Variants in PTPN21 observed in about 807,000 individuals in gnomAD.
PTPN21 encodes protein tyrosine phosphatase non-receptor type 21, also known as tyrosine-protein phosphatase non-receptor type 21.
A neutral mutation model predicts 131.8 loss-of-function variants in PTPN21; 77 were observed. The observed-to-expected ratio is 0.58, with a 90% CI of 0.49 to 0.71. The LOEUF is 0.71. Ranked by LOEUF, PTPN21 falls within the 30% of genes least tolerant of loss-of-function variation. The pLI is 0.00. For synonymous variants in PTPN21, 715 were observed against 621.3 expected (o/e 1.15, Z -2.24); for missense variants, 1,552 against 1,527.1 (o/e 1.02, Z -0.27).
chr14:88,479,385 T>G lies in PTPN21; in HGVS notation c.2046A>C (p.Thr682=), dbSNP rs1290425098. 6.2e-7 allele frequency: 1 copy of G among 1,607,478 alleles called. No homozygotes were observed. Among genetic ancestry groups the G allele is most frequent in the Non-Finnish European group, 8.5e-7 (1 of 1,179,472 alleles). The change falls in exon 13 of 19, where the codon ACA becomes ACC. Residue 682 remains threonine, a synonymous_variant. Transcript: ENST00000556564. The part of the protein sequence containing the change: ...GSQPSVFTER[T]QREGPEEAEG... ...CCGCCTCCTCCGGCCCTTCTCGCTG[T>G]GTCCTCTCGGTGAAAACGCTGGGCT...
At chr14:88,523,716 GACACACACACACACACACAC>G (rs71126989) in intron 2 of PTPN21, among the ~76,000 whole-genome samples, 5 of 144,442 alleles carry the variant, frequency 3.5e-5, no homozygotes, top group Non-Finnish European at 7.6e-5. Flanking sequence ...CCCCAACCGT[GACACACACACACACACACAC>G]ACACACACAC....
chr14:88,531,972 C>T (rs369393022), intron 2 of PTPN21, among the ~76,000 whole-genome samples: 5 of 152,198 alleles, frequency 3.3e-5, no homozygotes, highest in Middle Eastern at 3.4e-3. Context: ...CTACTATGAA[C>T]GCCTTTGCGT....
intron 13 of PTPN21, among the ~76,000 whole-genome samples, chr14:88,474,253 G>A (rs1446187318): frequency 6.6e-6 from 1 of 151,542 alleles, no homozygotes; most frequent in Non-Finnish European, 1.5e-5. Context: ...GAATGCAGGG[G>A]CACCATCATA....
chr14:88,550,464 C>T lies in PTPN21; in HGVS notation c.-47G>A. The T allele has an allele frequency of 6.4e-7, 1 of 1,559,598 alleles. No homozygotes were observed. Among genetic ancestry groups the T allele is most frequent in the Non-Finnish European group, 8.8e-7 (1 of 1,139,524 alleles). On this transcript the variant is annotated 5_prime_UTR_variant, in exon 2 of 19. Coordinates refer to ENST00000556564, the MANE Select transcript of PTPN21 (RefSeq NM_007039.4). ...GAGGAGCAAAGAGGGAAAAGCTACC[C>T]CCACCAACCCAGCGCTGGTGACGCC...
intron 3 of PTPN21, among the ~76,000 whole-genome samples, chr14:88,516,271 C>T (rs2078267927): frequency 6.6e-6 from 1 of 152,016 alleles, no homozygotes; most frequent in Non-Finnish European, 1.5e-5. Context: ...TTCTGAACCA[C>T]AACTCAGGAG....
chr14:88,538,413 G>A (rs2078659483), intron 2 of PTPN21, among the ~76,000 whole-genome samples: 1 of 152,118 alleles, frequency 6.6e-6, no homozygotes, highest in Non-Finnish European at 1.5e-5. Flanking sequence ...ACTCTGCCAG[G>A]GAACAAGCTC....
chr14:88,479,136 T>TG lies in PTPN21; in HGVS notation c.2294dup (p.Asp766ArgfsTer88), dbSNP rs1222464505. On this transcript the variant is annotated frameshift_variant, in exon 13 of 19. Coordinates refer to ENST00000556564, the MANE Select transcript of PTPN21 (RefSeq NM_007039.4). LOFTEE classifies it high-confidence loss of function. ...TGTCCATCATCCTCTTCTCCGCGTC[T>TG]GGGACGTGGGCCTTGGGCTCCAGGA... 1.3e-6 allele frequency: 2 copies of TG among 1,553,120 alleles called. No individual in the cohort carries two copies. Among genetic ancestry groups the TG allele is most frequent in the Non-Finnish European group, 1.7e-6 (2 of 1,151,856 alleles).
intron 2 of PTPN21, among the ~76,000 whole-genome samples, chr14:88,522,289 A>G (rs1262014402): frequency 1.3e-5 from 2 of 151,816 alleles, no homozygotes; most frequent in Non-Finnish European, 2.9e-5. Context: ...TTAGCCGGGT[A>G]TGATGGTGGG....
intron 1 of PTPN21, among the ~76,000 whole-genome samples, chr14:88,550,834 A>G (rs2078855755): frequency 6.6e-6 from 1 of 152,180 alleles, no homozygotes; most frequent in African/African-American, 2.4e-5. Flanking sequence ...ACAAATAGGG[A>G]TAGCAAACTG....
At chr14:88,542,267 C>T (rs2078717790) in intron 2 of PTPN21, among the ~76,000 whole-genome samples, 1 of 152,108 alleles carries the variant, frequency 6.6e-6, no homozygotes, top group African/African-American at 2.4e-5. Flanking sequence ...ATGGAGACAG[C>T]AGAAAGTCAA....
In PTPN21 at chr14:88,538,591, A is replaced by G. The variant is rs115759436; in HGVS notation, c.180+11647T>C. On this transcript the variant is annotated intron_variant, in intron 2 of 18. Transcript: ENST00000556564. ...AGATAATTGTAAAAATACAAAAATT[A>G]AATGATAACAAATATCTCCAGAGTA... is the stretch of plus-strand genomic sequence containing the variant. Among the ~76,000 whole-genome samples, 1,056 of 152,242 alleles carry G rather than the reference A, an allele frequency of 6.9e-3. 12 individuals are homozygous for G. Among genetic ancestry groups the G allele is most frequent in the African/African-American group, 0.024 (977 of 41,474 alleles).
chr14:88,473,860 G>A, intron 13 of PTPN21, 58 bp from the exon 14 acceptor site: 1 of 1,493,472 alleles, frequency 6.7e-7, no homozygotes, highest in East Asian at 2.3e-5. Context: ...CCTGTGAAAA[G>A]AAGTTTCAAT....
chr14:88,543,402 A>G (rs1313108509), intron 2 of PTPN21, among the ~76,000 whole-genome samples: 1 of 152,214 alleles, frequency 6.6e-6, no homozygotes, highest in Non-Finnish European at 1.5e-5. Flanking sequence ...GAAGAGTCTA[A>G]AGAAAATGGT....
Position 88,468,079 on chromosome 14 carries a change from CT to C in PTPN21, c.*57del, listed in dbSNP as rs748590887. 264 of 1,561,066 alleles carry C rather than the reference CT, an allele frequency of 1.7e-4. No homozygotes were observed. The highest frequency in any genetic ancestry group is 5.1e-4 in the Admixed American group (29 of 57,076). ...CGGGAAAGTATGAGTTAGGCAAGCG[CT>C]TTTTTTTTAAGCTGTAAACGCTTCA... On this transcript the variant is annotated 3_prime_UTR_variant, in exon 19 of 19. Coordinates refer to ENST00000556564, the MANE Select transcript of PTPN21 (RefSeq NM_007039.4).
chr14:88,469,730 C>T lies in PTPN21; in HGVS notation c.3004G>A (p.Gly1002Ser), dbSNP rs143562455. Residue 1002 changes from glycine to serine, a missense_variant, in exon 17 of 19, where the codon GGT (glycine) becomes AGT (serine). By Grantham distance (56) the Gly-to-Ser change is moderately conservative (BLOSUM62 0). This residue lies in a region of PTPN21 where 316 missense variants were observed against 378.5 expected (regional missense o/e 0.83). Coordinates refer to ENST00000556564, the MANE Select transcript of PTPN21 (RefSeq NM_007039.4). This position sits in a 1 kb window ranked among gnomAD's most constrained non-coding sequence, Gnocchi z 4.3. Reference protein sequence around the residue: ...IIAMVTAEEEGGREKSFRYWP... With the variant: ...IIAMVTAEEESGREKSFRYWP... The stretch of plus-strand genomic sequence containing the variant: ...TACCTAAAGCTCTTCTCCCTTCCAC[C>T]CTCCTGTTAAAGATGAGCATGGTTA... The T allele has an allele frequency of 1.9e-5, 31 of 1,613,860 alleles. No individual in the cohort carries two copies. The African/African-American group carries it at 4.1e-4, about 22-fold the overall frequency.
chr14:88,511,626 G>A (rs181485282), intron 3 of PTPN21, among the ~76,000 whole-genome samples: 5 of 152,186 alleles, frequency 3.3e-5, no homozygotes, highest in Admixed American at 6.5e-5. Context: ...CCAAGATAGC[G>A]CCACTGCACT....
intron 2 of PTPN21, among the ~76,000 whole-genome samples, chr14:88,532,537 C>T (rs1595408118): frequency 6.6e-6 from 1 of 152,130 alleles, no homozygotes; most frequent in East Asian, 1.9e-4. Flanking sequence ...TTTGAGCAAT[C>T]AAAAATACAT....
At position 88,465,971 on chromosome 14, in the gene PTPN21, TTTAA is replaced by T. The variant is rs1248070484; in HGVS notation, c.*2162_*2165del. 6.6e-6 allele frequency: 1 copy of T among 152,108 alleles called. No homozygotes were observed. Among genetic ancestry groups the T allele is most frequent in the Non-Finnish European group, 1.5e-5 (1 of 68,022 alleles). The allele number at this position is 152,108 out of a possible 1,614,324, so 9.4% of individuals were successfully genotyped here. A position where few individuals can be genotyped will look rare whatever the true frequency, so the allele number is the denominator to read the frequency against. ...AACACAAATAGACCACATATTACTC[TTTAA>T]TTAGATTTGTTTTACAATATGTTCT... On this transcript the variant is annotated 3_prime_UTR_variant, in exon 19 of 19. Coordinates refer to ENST00000556564, the MANE Select transcript of PTPN21 (RefSeq NM_007039.4).
At chr14:88,535,022 G>A (rs951143441) in intron 2 of PTPN21, among the ~76,000 whole-genome samples, 12 of 152,082 alleles carry the variant, frequency 7.9e-5, no homozygotes, top group African/African-American at 2.4e-4. Flanking sequence ...TTCTGCAAGC[G>A]CCATTCACGG....
Sources: gnomAD v4.1 joint callset for allele counts (sites outside exome capture counted in the v4.1 genomes callset) on GRCh38, gnomAD v4.1.1 for gene constraint, gnomAD v4.1.1 regional missense constraint, Gnocchi (gnomAD v3.1) non-coding constraint, MANE v1.5 for transcripts, NCBI Gene and HGNC (gene_info 2026-07-23, HGNC 2026-07-21) for gene names.